ST3GAL3: variants seen among roughly 807,000 people sequenced by gnomAD.
The protein encoded by ST3GAL3 is CMP-N-acetylneuraminate-beta-1,4-galactoside alpha-2,3-sialyltransferase.
Under a neutral mutation model 50.1 loss-of-function variants are expected in ST3GAL3, and 21 were observed. The observed-to-expected ratio is 0.42, with a 90% CI of 0.30 to 0.60. The LOEUF is 0.60. Among genes scored for constraint, ST3GAL3 ranks in the 20% least tolerant of loss-of-function variants. The probability of loss-of-function intolerance (pLI) is 0.19; values close to 1 mark genes in which losing one functional copy is unlikely to be tolerated. For missense variants in ST3GAL3, 353 were observed against 489.4 expected (o/e 0.72, Z 2.63); for synonymous variants, 183 against 190.0 (o/e 0.96, Z 0.30).
intron 4 of ST3GAL3, among the ~76,000 whole-genome samples, chr1:43,822,831 C>A (rs1384099267): frequency 1.3e-5 from 2 of 152,156 alleles, no homozygotes; most frequent in African/African-American, 2.4e-5. Flanking sequence ...GACTCATTTA[C>A]CCAATTGCTT....
chr1:43,712,122 A>G (rs563978602), intron 1 of ST3GAL3, among the ~76,000 whole-genome samples: 3 of 152,328 alleles, frequency 2.0e-5, no homozygotes, highest in Admixed American at 2.0e-4. Flanking sequence ...AAGTTTCCTC[A>G]TCAGTGAAAT....
chr1:43,752,751 C>T (rs1293351912), intron 2 of ST3GAL3, among the ~76,000 whole-genome samples: 1 of 152,172 alleles, frequency 6.6e-6, no homozygotes, highest in Non-Finnish European at 1.5e-5. Flanking sequence ...GATCCTCCCA[C>T]CTCAGACTCC....
Position 43,800,994 on chromosome 1 carries a change from A to G in ST3GAL3, c.166+8845A>G, listed in dbSNP as rs114511177. The stretch of plus-strand genomic sequence containing the variant: ...CCATTCCCTTCGTACTTAGCAATTC[A>G]TCATAGCCCAGAGATTGGAGCCAAA... On this transcript the variant is annotated intron_variant, in intron 3 of 11. Transcript: ENST00000347631. 4.6e-3 allele frequency among the ~76,000 whole-genome samples: 698 copies of G among 152,268 alleles called. 4 individuals carry two copies. The highest frequency in any genetic ancestry group is 0.016 in the African/African-American group (659 of 41,548).
At chr1:43,803,544 TTTAG>T (rs1199530202) in intron 3 of ST3GAL3, among the ~76,000 whole-genome samples, 1 of 152,206 alleles carries the variant, frequency 6.6e-6, no homozygotes, top group Non-Finnish European at 1.5e-5. Flanking sequence ...GTCATTTTCT[TTTAG>T]TTCTGTTAAT....
intron 3 of ST3GAL3, among the ~76,000 whole-genome samples, chr1:43,793,779 TAA>T (rs1289111196): frequency 1.3e-5 from 2 of 152,258 alleles, no homozygotes; most frequent in East Asian, 3.9e-4. Flanking sequence ...AAGACCCTAT[TAA>T]GAGAGTGAAA....
chr1:43,716,718 G>A (rs560712167), intron 1 of ST3GAL3, among the ~76,000 whole-genome samples: 4 of 152,266 alleles, frequency 2.6e-5, no homozygotes, highest in East Asian at 1.9e-4. Flanking sequence ...CCTCATGTGC[G>A]ACAGACATCT....
Position 43,900,490 on chromosome 1 carries a change from A to G in ST3GAL3, c.744+763A>G, listed in dbSNP as rs562121975. Among the ~76,000 whole-genome samples, 153 of 151,864 alleles carry G rather than the reference A, an allele frequency of 1.0e-3. 1 individual carries two copies. The highest frequency in any genetic ancestry group is 3.5e-3 in the African/African-American group (145 of 41,416). Reference sequence around the variant, plus strand: ...ACCTCTACTTCCCAGCTCTGGGCCTACAGGGACATCCGTGAACTTGTCCAG... The same window carrying G: ...ACCTCTACTTCCCAGCTCTGGGCCTGCAGGGACATCCGTGAACTTGTCCAG... On this transcript the variant is annotated intron_variant, in intron 9 of 11. Transcript: ENST00000347631.
intron 1 of ST3GAL3, among the ~76,000 whole-genome samples, chr1:43,717,727 C>CA (rs1440170732): frequency 6.6e-6 from 1 of 151,658 alleles, no homozygotes; most frequent in African/African-American, 2.4e-5. Flanking sequence ...AGGCTGGTCT[C>CA]AAACTCCTGA....
intron 5 of ST3GAL3, chr1:43,841,653 G>A (rs1303780789): frequency 1.3e-5 from 2 of 152,224 alleles, no homozygotes; most frequent in African/African-American, 4.8e-5. Context: ...AACTATGATG[G>A]AAGGGGCTAC....
At chr1:43,772,210 T>C (rs1240230810) in intron 2 of ST3GAL3, 2 of 389,358 alleles carry the variant, frequency 5.1e-6, no homozygotes, top group African/African-American at 4.1e-5. Flanking sequence ...CCACCACACC[T>C]GGCTAATTTT....
intron 1 of ST3GAL3, among the ~76,000 whole-genome samples, chr1:43,716,188 C>T (rs965612985): frequency 4.6e-5 from 7 of 152,114 alleles, no homozygotes; most frequent in East Asian, 1.9e-4. Context: ...TTTGCACCAA[C>T]CGAAATAGAT....
intron 1 of ST3GAL3, among the ~76,000 whole-genome samples, chr1:43,729,684 T>C (rs1351696248): frequency 6.6e-6 from 1 of 152,226 alleles, no homozygotes; most frequent in Non-Finnish European, 1.5e-5. Context: ...CCTCATTTTG[T>C]TTATGGATGC....
chr1:43,849,541 CG>C (rs2066894828), intron 5 of ST3GAL3, among the ~76,000 whole-genome samples: 1 of 152,012 alleles, frequency 6.6e-6, no homozygotes, highest in Non-Finnish European at 1.5e-5. Context: ...TAAAAATGGT[CG>C]TATATGTTTT....
chr1:43,822,631 A>C (rs1161080674), intron 4 of ST3GAL3, among the ~76,000 whole-genome samples: 2 of 152,168 alleles, frequency 1.3e-5, no homozygotes, highest in African/African-American at 4.8e-5. Flanking sequence ...CAAGTTCCCT[A>C]GGGCTGCAAG....
intron 9 of ST3GAL3, chr1:43,913,544 C>T (rs1408623718): frequency 1.3e-5 from 2 of 152,020 alleles, no homozygotes; most frequent in East Asian, 3.9e-4. Context: ...AGAGGAGTTA[C>T]AGCTTTTTTT....
At chr1:43,870,967 GTAAGGA>G (rs2072563743) in intron 5 of ST3GAL3, among the ~76,000 whole-genome samples, 1 of 152,168 alleles carries the variant, frequency 6.6e-6, no homozygotes, top group Non-Finnish European at 1.5e-5. Flanking sequence ...CAGTACCGAG[GTAAGGA>G]TTCTGAGAAG....
intron 1 of ST3GAL3, among the ~76,000 whole-genome samples, chr1:43,719,735 C>G (rs960179301): frequency 6.6e-6 from 1 of 150,926 alleles, no homozygotes; most frequent in African/African-American, 2.4e-5. Context: ...GAGTTGGAGA[C>G]CAGCCTGGCC....
intron 2 of ST3GAL3, among the ~76,000 whole-genome samples, chr1:43,782,084 T>C (rs961557062): frequency 6.6e-6 from 1 of 152,210 alleles, no homozygotes; most frequent in Non-Finnish European, 1.5e-5. Context: ...CTTTCTGAAA[T>C]CGCCAGTAGC....
In ST3GAL3 at chr1:43,930,305, GAGA is replaced by G. The variant is rs995812820; in HGVS notation, c.*87_*89del. 2.9e-5 allele frequency: 39 copies of G among 1,365,786 alleles called. No homozygotes were observed. In the African/African-American group the frequency reaches 5.4e-4, roughly 19 times the overall value. 84.6% of individuals were successfully genotyped at this position (1,365,786 alleles called of 1,614,324 possible). Reference sequence around the variant, plus strand: ...ACCTACACAGGAGTCTTCAGACCCAGAGAAGGACGGTGCCAAGGGCCCCAGGGG... The same window carrying G: ...ACCTACACAGGAGTCTTCAGACCCAGAGGACGGTGCCAAGGGCCCCAGGGG... On this transcript the variant is annotated 3_prime_UTR_variant, in exon 12 of 12. Transcript: ENST00000347631.
Sources: gnomAD v4.1 joint callset for allele counts (sites outside exome capture counted in the v4.1 genomes callset) on GRCh38, gnomAD v4.1.1 for gene constraint, MANE v1.5 for transcripts, NCBI Gene and HGNC (gene_info 2026-07-23, HGNC 2026-07-21) for gene names.